Variants in ADAMTS17 observed in about 807,000 individuals in gnomAD.
The protein encoded by ADAMTS17 is A disintegrin and metalloproteinase with thrombospondin motifs 17.
Under a neutral mutation model 141.5 loss-of-function variants are expected in ADAMTS17, and 113 were observed. That is an observed-to-expected ratio of 0.80 (90% CI 0.69 to 0.93). The LOEUF is 0.93. Ranked by LOEUF, ADAMTS17 falls within the 40% of genes least tolerant of loss-of-function variation. The pLI is 0.00. For synonymous variants in ADAMTS17, 768 were observed against 630.6 expected, an observed-to-expected ratio of 1.22 and a Z score of -3.27; for missense variants, 1,659 against 1,517.9, an observed-to-expected ratio of 1.09 and a Z score of -1.54.
At chr15:100,031,289 T>C (rs2030140398) in intron 18 of ADAMTS17, among the ~76,000 whole-genome samples, 1 of 152,226 alleles carries the variant, frequency 6.6e-6, no homozygotes, top group African/African-American at 2.4e-5. Flanking sequence ...CTCTACATGA[T>C]AAGTAGATGA....
At chr15:100,161,370 G>A (rs887022237) in intron 8 of ADAMTS17, among the ~76,000 whole-genome samples, 48 of 152,022 alleles carry the variant, frequency 3.2e-4, no homozygotes, top group African/African-American at 8.7e-4. Flanking sequence ...AGGTGTAGGC[G>A]TCAGGTCCGG....
At chr15:100,340,845 TCCCA>T (rs1240305107) in intron 2 of ADAMTS17, among the ~76,000 whole-genome samples, 190 bp downstream of exon 2, 1 of 151,950 alleles carries the variant, frequency 6.6e-6, no homozygotes, top group African/African-American at 2.4e-5. Flanking sequence ...ATGCTGCCCC[TCCCA>T]CCCCCTTTGC....
rs146426639 is a variant in ADAMTS17 at position 100,266,835 on chromosome 15, T to C, written c.790-4400A>G. ...TGGTTTTCCTTCTCACTGATTTGCA[T>C]GTTGAATGCTGTCTGTCGTTCCTAC... On this transcript the variant is annotated intron_variant, in intron 4 of 21. Coordinates refer to ENST00000268070, the MANE Select transcript of ADAMTS17 (RefSeq NM_139057.4). Among the ~76,000 whole-genome samples, 1,149 of 152,210 alleles carry C rather than the reference T, an allele frequency of 7.5e-3. 12 individuals carry two copies. Among genetic ancestry groups the C allele is most frequent in the African/African-American group, 0.026 (1,085 of 41,512 alleles).
At position 100,020,017 on chromosome 15, in the gene ADAMTS17, A is replaced by G. The variant is rs537013562; in HGVS notation, c.2592-22428T>C. On this transcript the variant is annotated intron_variant, in intron 18 of 21. Coordinates refer to ENST00000268070, the MANE Select transcript of ADAMTS17 (RefSeq NM_139057.4). Reference sequence around the variant, plus strand: ...AGATTTGGAAAAAAAAGACTCCCAAAGCATAATGACGTGGCATAGTTTTCC... The same window carrying G: ...AGATTTGGAAAAAAAAGACTCCCAAGGCATAATGACGTGGCATAGTTTTCC... Among the ~76,000 whole-genome samples, 14 of 150,632 alleles carry G rather than the reference A, an allele frequency of 9.3e-5. No individual in the cohort carries two copies. In the South Asian group the frequency reaches 2.7e-3, roughly 29 times the overall value.
At chr15:100,168,135 C>T (rs1454243419) in intron 8 of ADAMTS17, among the ~76,000 whole-genome samples, 1 of 152,218 alleles carries the variant, frequency 6.6e-6, no homozygotes, top group Non-Finnish European at 1.5e-5. Context: ...CTGTTAGAGG[C>T]AGGTGTGCAG....
In ADAMTS17 at chr15:100,096,407, C is replaced by T. The variant is rs762883961; in HGVS notation, c.2086G>A (p.Gly696Ser). 27 of 1,613,998 alleles carry T rather than the reference C, an allele frequency of 1.7e-5. No homozygotes were observed. The highest frequency in any genetic ancestry group is 3.3e-4 in the Middle Eastern group (2 of 6,082). Residue 696 changes from glycine to serine, a missense_variant, in exon 15 of 22, where the codon GGC (glycine) becomes AGC (serine). Transcript: ENST00000268070. The stretch of plus-strand genomic sequence containing the variant: ...CCCTTCACCAAGTGGCAGGTCTTGC[C>T]GTCCCCGCTGCAGACCCCGCATCTG... ...EDRCGVCSGD[G>S]KTCHLVKGDF...
At chr15:100,156,778 G>T (rs576116381) in intron 8 of ADAMTS17, among the ~76,000 whole-genome samples, 1 of 152,128 alleles carries the variant, frequency 6.6e-6, no homozygotes, top group African/African-American at 2.4e-5. Context: ...CTGCTCCAAG[G>T]CTGCTTCACA....
At chr15:100,073,700 G>A (rs1359088190) in intron 15 of ADAMTS17, among the ~76,000 whole-genome samples, 1 of 144,808 alleles carries the variant, frequency 6.9e-6, no homozygotes, top group Admixed American at 7.4e-5. Flanking sequence ...ACTCATAGGT[G>A]GGAATTGAAC....
rs188196940 is a variant in ADAMTS17, at chr15:100,330,720, A to G, written c.616+169T>C. ...ATGACTTTTTCAAAGGACTGCCGAC[A>G]CTAAGACACATAGAAAGGAAAAGGA... On this transcript the variant is annotated intron_variant, in intron 3 of 21. Transcript: ENST00000268070. Among the ~76,000 whole-genome samples the G allele has an allele frequency of 3.1e-3, 465 of 152,324 alleles. 7 individuals are homozygous for G. Among genetic ancestry groups the G allele is most frequent in the Non-Finnish European group, 2.6e-4 (18 of 68,026 alleles).
At chr15:100,280,223 C>T (rs901341599) in intron 4 of ADAMTS17, among the ~76,000 whole-genome samples, 5 of 152,104 alleles carry the variant, frequency 3.3e-5, no homozygotes, top group African/African-American at 9.7e-5. Context: ...CTCCTTTTCT[C>T]AGACAATGGC....
chr15:100,285,154 T>C (rs1251195903), intron 3 of ADAMTS17, among the ~76,000 whole-genome samples: 2 of 152,250 alleles, frequency 1.3e-5, no homozygotes, highest in Admixed American at 6.5e-5. Flanking sequence ...CTTACATCTC[T>C]TTCCCTTTGC....
chr15:100,316,274 C>A (rs1481407561), intron 3 of ADAMTS17, among the ~76,000 whole-genome samples: 1 of 152,196 alleles, frequency 6.6e-6, no homozygotes, highest in African/African-American at 2.4e-5. Context: ...CCCAGCCCCT[C>A]CTCAAGCATG....
chr15:100,016,537 T>G (rs192737377), intron 18 of ADAMTS17, among the ~76,000 whole-genome samples: 48 of 152,306 alleles, frequency 3.2e-4, no homozygotes, highest in Admixed American at 9.1e-4. Flanking sequence ...TTGTTCAGAT[T>G]CTTTTGTCCC....
intron 18 of ADAMTS17, among the ~76,000 whole-genome samples, chr15:100,028,500 T>G (rs538773276): frequency 6.6e-6 from 1 of 152,346 alleles, no homozygotes; most frequent in East Asian, 1.9e-4. Flanking sequence ...GGAATGGGGT[T>G]TTGGACACTT....
chr15:100,072,332 C>G (rs2034035530), intron 15 of ADAMTS17, among the ~76,000 whole-genome samples: 1 of 148,388 alleles, frequency 6.7e-6, no homozygotes. Flanking sequence ...CCATACTGCC[C>G]AAGGTAATTT....
At chr15:100,296,721 G>C (rs2044835871) in intron 3 of ADAMTS17, among the ~76,000 whole-genome samples, 1 of 152,144 alleles carries the variant, frequency 6.6e-6, no homozygotes, top group Non-Finnish European at 1.5e-5. Flanking sequence ...CTAGAAAGGA[G>C]GTATGACCCA....
At chr15:100,205,422 A>G (rs925622839) in intron 7 of ADAMTS17, among the ~76,000 whole-genome samples, 2 of 152,220 alleles carry the variant, frequency 1.3e-5, no homozygotes, top group Non-Finnish European at 2.9e-5. Flanking sequence ...TCAAAAGGCC[A>G]CAGCCAACTT....
At chr15:100,058,313 T>A (rs2032807166) in intron 15 of ADAMTS17, among the ~76,000 whole-genome samples, 1 of 149,758 alleles carries the variant, frequency 6.7e-6, no homozygotes, top group African/African-American at 2.5e-5. Context: ...AACACCCCTA[T>A]CCCGGCTCTA....
chr15:100,035,185 G>C (rs752816190), intron 18 of ADAMTS17, among the ~76,000 whole-genome samples: 1 of 152,202 alleles, frequency 6.6e-6, no homozygotes, highest in African/African-American at 2.4e-5. Flanking sequence ...CAATGCTCTA[G>C]ATGGTTAGAA....
Sources: allele counts gnomAD v4.1 joint callset (sites outside exome capture counted in the v4.1 genomes callset), GRCh38; gene constraint gnomAD v4.1.1; transcripts MANE v1.5; gene names NCBI Gene and HGNC (gene_info 2026-07-23, HGNC 2026-07-21).